DPP10: variants seen among roughly 807,000 people sequenced by gnomAD.
DPP10 encodes inactive dipeptidyl peptidase 10.
A neutral mutation model predicts 120.9 loss-of-function variants in DPP10; 33 were observed. The observed-to-expected ratio is 0.27, with a 90% CI of 0.21 to 0.37. DPP10 has a LOEUF of 0.37. Ranked by LOEUF, DPP10 falls within the 10% of genes least tolerant of loss-of-function variation. DPP10 has a pLI of 1.00. For missense variants in DPP10, 816 were observed against 942.8 expected (o/e 0.87, Z 1.76); for synonymous variants, 337 against 326.1 (o/e 1.03, Z -0.36).
chr2:114,935,683 A>AGT (rs3981178), intron 1 of DPP10, among the ~76,000 whole-genome samples: 37,754 of 151,470 alleles, frequency 0.25, 5,078 homozygotes, highest in South Asian at 0.39. Context: ...TATTTGCTCA[A>AGT]GTGTGTGTGT....
At chr2:115,336,190 G>T (rs560008258) in intron 2 of DPP10, among the ~76,000 whole-genome samples, 1 of 151,662 alleles carries the variant, frequency 6.6e-6, no homozygotes, top group South Asian at 2.1e-4. Flanking sequence ...CATTTCAAAG[G>T]CCATTTAAAA....
intron 1 of DPP10, among the ~76,000 whole-genome samples, chr2:115,155,096 A>G (rs949430992): frequency 6.6e-6 from 1 of 151,266 alleles, no homozygotes; most frequent in African/African-American, 2.4e-5. Flanking sequence ...CTTAGTGGAG[A>G]CGGGGTTTCG....
intron 3 of DPP10, among the ~76,000 whole-genome samples, chr2:115,477,913 G>A (rs919572990): frequency 2.0e-5 from 3 of 152,146 alleles, no homozygotes; most frequent in African/African-American, 7.2e-5. Flanking sequence ...TTCTGGTGAG[G>A]CCTCAGGAAG....
intron 1 of DPP10, among the ~76,000 whole-genome samples, chr2:115,302,390 A>G (rs1361919652): frequency 6.6e-6 from 1 of 152,000 alleles, no homozygotes; most frequent in African/African-American, 2.4e-5. Context: ...TTTATAAACA[A>G]ATTAATTGTA....
rs769749577 is a variant in DPP10 at position 115,727,801 on chromosome 2, C to T, written c.577-15C>T. 45 of 1,572,192 alleles carry T rather than the reference C, an allele frequency of 2.9e-5. No individual in the cohort carries two copies. The East Asian group carries it at 1.0e-3, about 36-fold the overall frequency. On this transcript the variant is annotated splice_polypyrimidine_tract_variant and intron_variant, in intron 7 of 25. Transcript: ENST00000410059. ...CGTGTTGGATTTTTTGTTTGTTTCA[C>T]ATTTCCTGATCCAGATTTATATTTT...
chr2:115,609,326 A>G (rs1208014303), intron 5 of DPP10, among the ~76,000 whole-genome samples: 2 of 152,098 alleles, frequency 1.3e-5, no homozygotes, highest in African/African-American at 2.4e-5. Flanking sequence ...AAACTACTAG[A>G]CAATATGTTG....
chr2:115,717,375 A>G (rs35209557), intron 7 of DPP10, among the ~76,000 whole-genome samples: 19,148 of 152,092 alleles, frequency 0.13, 1,383 homozygotes, highest in Non-Finnish European at 0.16. Flanking sequence ...AACTTAAAGT[A>G]TAATAAAAAA....
chr2:115,543,695 C>T (rs926858094), intron 5 of DPP10, among the ~76,000 whole-genome samples: 25 of 151,926 alleles, frequency 1.6e-4, no homozygotes, highest in African/African-American at 5.8e-4. Flanking sequence ...CAGTCACTAG[C>T]TGTGAAAAAA....
At chr2:115,291,147 G>T (rs1248684528) in intron 1 of DPP10, among the ~76,000 whole-genome samples, 1 of 152,000 alleles carries the variant, frequency 6.6e-6, no homozygotes, top group Non-Finnish European at 1.5e-5. Context: ...GGGATTACAG[G>T]TATGTGCCGC....
At chr2:115,393,325 ATC>A (rs1355788120) in intron 3 of DPP10, among the ~76,000 whole-genome samples, 1 of 144,106 alleles carries the variant, frequency 6.9e-6, no homozygotes, top group Non-Finnish European at 1.5e-5. Flanking sequence ...AAAAAAAAAA[ATC>A]TATATGTGAA....
chr2:115,187,240 GTT>G (rs1306613978), intron 1 of DPP10, among the ~76,000 whole-genome samples: 2 of 150,622 alleles, frequency 1.3e-5, no homozygotes, highest in East Asian at 4.0e-4. Context: ...GTTTCACCTT[GTT>G]AGCCAGGATG....
At chr2:115,166,763 A>G (rs979994139) in intron 1 of DPP10, among the ~76,000 whole-genome samples, 9 of 151,974 alleles carry the variant, frequency 5.9e-5, no homozygotes, top group African/African-American at 2.2e-4. Context: ...ATGCTGCATT[A>G]TCTTATGAAG....
intron 3 of DPP10, among the ~76,000 whole-genome samples, chr2:115,413,913 ATT>A (rs35546360): frequency 1.3e-5 from 2 of 151,460 alleles, no homozygotes; most frequent in South Asian, 2.1e-4. Context: ...TCTCTCAATA[ATT>A]TTTTTTTTCC....
chr2:115,026,001 G>T (rs1464175867), intron 1 of DPP10, among the ~76,000 whole-genome samples: 2 of 151,696 alleles, frequency 1.3e-5, no homozygotes, highest in Non-Finnish European at 2.9e-5. Context: ...TTTTTCCTTT[G>T]GTGTATAGAA....
chr2:114,593,616 CAA>C (rs1332287166), intron 1 of DPP10, among the ~76,000 whole-genome samples: 1 of 152,000 alleles, frequency 6.6e-6, no homozygotes, highest in East Asian at 1.9e-4. Context: ...TTTTAATTGA[CAA>C]ATAATAATTG....
intron 1 of DPP10, among the ~76,000 whole-genome samples, chr2:114,648,158 G>A (rs1696279335): frequency 6.6e-6 from 1 of 152,096 alleles, no homozygotes; most frequent in Admixed American, 6.5e-5. Context: ...ACTTCTACGT[G>A]ACTCCCACTC....
At chr2:115,764,805 T>C (rs1680523947) in intron 12 of DPP10, among the ~76,000 whole-genome samples, 1 of 152,174 alleles carries the variant, frequency 6.6e-6, no homozygotes, top group African/African-American at 2.4e-5. Flanking sequence ...CTTAGAGTTA[T>C]ATGAAATTTA....
chr2:115,612,773 CTATA>C (rs2084207998), intron 5 of DPP10, among the ~76,000 whole-genome samples: 1 of 151,846 alleles, frequency 6.6e-6, no homozygotes, highest in Admixed American at 6.6e-5. Context: ...TATATTCTAA[CTATA>C]TATGTGAAAT....
At chr2:115,768,165 A>G (rs929486038) in intron 12 of DPP10, 132 bp from the exon 13 acceptor site, 1 of 707,750 alleles carries the variant, frequency 1.4e-6, no homozygotes, top group African/African-American at 1.8e-5. Context: ...TCATTTTTTT[A>G]AAATAATGTG....
Sources: gnomAD v4.1 joint callset for allele counts (sites outside exome capture counted in the v4.1 genomes callset) on GRCh38, gnomAD v4.1.1 for gene constraint, MANE v1.5 for transcripts, NCBI Gene and HGNC (gene_info 2026-07-23, HGNC 2026-07-21) for gene names.